The following HERC2 variants were observed in gnomAD, a reference collection of about 807,000 sequenced individuals.
HERC2 encodes E3 ubiquitin-protein ligase HERC2.
Under a neutral mutation model 537.7 loss-of-function variants are expected in HERC2, and 102 were observed. That is an observed-to-expected ratio of 0.19 (90% CI 0.16 to 0.22). The LOEUF (loss-of-function observed/expected upper bound fraction) is 0.22, where lower values mean the gene tolerates loss of function less well. Ranked by LOEUF, HERC2 falls within the 10% of genes least tolerant of loss-of-function variation. The pLI is 1.00. For missense variants in HERC2, 4,236 were observed against 6,198.2 expected, an observed-to-expected ratio of 0.68 and a Z score of 10.63; for synonymous variants, 2,224 against 2,466.2, an observed-to-expected ratio of 0.90 and a Z score of 2.91.
At chr15:28,156,389 A>G (rs185688083) in intron 69 of HERC2, among the ~76,000 whole-genome samples, 1 of 152,332 alleles carries the variant, frequency 6.6e-6, no homozygotes, top group East Asian at 1.9e-4. Flanking sequence ...ATCCATGAGC[A>G]TGGAATGTTA....
chr15:28,215,783 C>T lies in HERC2; in HGVS notation c.6048G>A (p.Val2016=), dbSNP rs1276233538. 18 of 1,610,368 alleles carry T rather than the reference C, an allele frequency of 1.1e-5. No homozygotes were observed. Among genetic ancestry groups the T allele is most frequent in the Non-Finnish European group, 1.5e-5 (18 of 1,179,172 alleles). Residue 2016 remains valine, a synonymous_variant, in exon 39 of 93, where the codon GTG becomes GTA. Transcript: ENST00000261609. ...TDKTSSPNRL[V]YREQHRSWCT... ...ACCAGCTCCGGTGTTGCTCCCTGTACACCAGCCTGTTTGGAGAAGCTGCAG... is the reference window on the plus strand; with the variant it reads ...ACCAGCTCCGGTGTTGCTCCCTGTATACCAGCCTGTTTGGAGAAGCTGCAG...
intron 16 of HERC2, 141 bp from the exon 17 acceptor site, chr15:28,257,402 T>C (rs1596335703): frequency 1.5e-6 from 1 of 652,898 alleles, no homozygotes; most frequent in Non-Finnish European, 2.7e-6. Context: ...AAGGCATTCA[T>C]GGATGTCTAG....
intron 4 of HERC2, among the ~76,000 whole-genome samples, chr15:28,290,452 A>G (rs569225072): frequency 4.0e-4 from 61 of 151,814 alleles, no homozygotes; most frequent in African/African-American, 1.4e-3. Context: ...CTGGTCTCAA[A>G]CTCCTGACCT....
chr15:28,115,945 G>A (rs1319585233), intron 88 of HERC2, among the ~76,000 whole-genome samples: 1 of 152,166 alleles, frequency 6.6e-6, no homozygotes, highest in Non-Finnish European at 1.5e-5. Context: ...AGGAGGGACT[G>A]GCCAATGGCG....
In HERC2 at chr15:28,199,977, C is replaced by CA. The variant is rs551505149; in HGVS notation, c.7717-1209dup. Among the ~76,000 whole-genome samples, 32 of 152,158 alleles carry CA rather than the reference C, an allele frequency of 2.1e-4. 1 individual carries two copies. The East Asian group carries it at 4.7e-3, about 22-fold the overall frequency. ...TCATGAATGTTTGTGTCCCCCCCAC[C>CA]AAAATTCATGAAGTCCCAACTCCTA... On this transcript the variant is annotated intron_variant, in intron 48 of 92. Coordinates refer to ENST00000261609, the MANE Select transcript of HERC2 (RefSeq NM_004667.6).
In HERC2 at chr15:28,274,315, C is replaced by G; in HGVS notation, c.776G>C (p.Arg259Thr). 6.2e-7 allele frequency: 1 copy of G among 1,614,202 alleles called. No homozygotes were observed. Among genetic ancestry groups the G allele is most frequent in the Non-Finnish European group, 8.5e-7 (1 of 1,180,020 alleles). The change falls in exon 7 of 93, where the codon AGG (arginine) becomes ACG (threonine). Residue 259 changes from arginine to threonine, a missense_variant. By Grantham distance (71) the Arg-to-Thr change is moderately conservative. Transcript: ENST00000261609. ...CCCCGTCACGACGGACCTGAGGAAC[C>G]TGGTCGCTCTCTCCACCACCTCCAG... ...VWLEVVERAT[R>T]FLRSVVTGDV...
intron 44 of HERC2, among the ~76,000 whole-genome samples, chr15:28,208,787 G>A (rs539917597): frequency 1.1e-4 from 17 of 152,230 alleles, no homozygotes; most frequent in South Asian, 6.2e-4. Flanking sequence ...AAGGCTGCCC[G>A]TCCAGTGCTC....
intron 72 of HERC2, 96 bp from the exon 73 acceptor site, chr15:28,144,331 A>G: frequency 7.5e-7 from 1 of 1,330,380 alleles, no homozygotes; most frequent in Non-Finnish European, 1.0e-6. Flanking sequence ...ACCCAGCCCC[A>G]CCCACCAGAA....
At chr15:28,136,550 A>G (rs1405545559) in intron 78 of HERC2, among the ~76,000 whole-genome samples, 1 of 152,266 alleles carries the variant, frequency 6.6e-6, no homozygotes, top group East Asian at 1.9e-4. Context: ...CACCACAGAA[A>G]GCTGCCCTTC....
intron 78 of HERC2, among the ~76,000 whole-genome samples, chr15:28,137,957 C>T (rs1315152132): frequency 6.6e-6 from 1 of 152,188 alleles, no homozygotes; most frequent in African/African-American, 2.4e-5. Context: ...GATGAGAATG[C>T]AAAACAGTCT....
At chr15:28,279,896 CA>C (rs1281615956) in intron 5 of HERC2, 171 bp downstream of exon 5, 3 of 606,230 alleles carry the variant, frequency 4.9e-6, no homozygotes, top group Non-Finnish European at 8.8e-6. Context: ...ACTACATGAG[CA>C]AATTGGCAAA....
intron 68 of HERC2, 51 bp downstream of exon 68, chr15:28,167,636 T>C (rs757396258): frequency 1.6e-5 from 25 of 1,601,384 alleles, no homozygotes; most frequent in Middle Eastern, 1.7e-4. Context: ...TACTTCTGTG[T>C]ACATTTAAGA....
chr15:28,296,563 C>G (rs2141173968), intron 3 of HERC2, among the ~76,000 whole-genome samples: 1 of 151,948 alleles, frequency 6.6e-6, no homozygotes, highest in African/African-American at 2.4e-5. Flanking sequence ...TTTCTTAGAG[C>G]ACCTTTTAGA....
Position 28,141,533 on chromosome 15 carries a change from T to C in HERC2, c.11914A>G (p.Lys3972Glu), listed in dbSNP as rs1254512466. The C allele has an allele frequency of 6.2e-6, 10 of 1,614,046 alleles. No homozygotes were observed. The highest frequency in any genetic ancestry group is 2.2e-5 in the East Asian group (1 of 44,882). ...TCACAGGGAGTGGGAACTTTGACTT[T>C]TGCGCCTTCAATGCCCCCGAGCTGG... is the stretch of plus-strand genomic sequence containing the variant. ...RGQLGGIEGAKVKVPTPCEAL... is the reference protein window; with the variant it reads ...RGQLGGIEGAEVKVPTPCEAL... Residue 3972 changes from lysine (K) to glutamate (E), a missense_variant, in exon 78 of 93, where the codon AAA (lysine) becomes GAA (glutamate). By Grantham distance (56) the Lys-to-Glu change is moderately conservative (BLOSUM62 1). Coordinates refer to ENST00000261609, the MANE Select transcript of HERC2 (RefSeq NM_004667.6).
At chr15:28,161,111 ACT>A in intron 69 of HERC2, among the ~76,000 whole-genome samples, 3 of 152,038 alleles carry the variant, frequency 2.0e-5, no homozygotes, top group Admixed American at 2.0e-4. Context: ...TATCTACCAA[ACT>A]CTGCTGCGCT....
rs1282104982 is a variant in HERC2 at position 28,182,469 on chromosome 15, T to C, written c.8869A>G (p.Ile2957Val). The C allele has an allele frequency of 6.2e-7, 1 of 1,613,794 alleles. No homozygotes were observed. Among genetic ancestry groups the C allele is most frequent in the Non-Finnish European group, 8.5e-7 (1 of 1,179,982 alleles). ...KAAGLESAAT[I>V]RTKVFVWGLN... ...CCCCACACAAACACCTTGGTTCTTATCGTAGCTGCTGATTCCAGCCCAGCA... is the reference window on the plus strand; with the variant it reads ...CCCCACACAAACACCTTGGTTCTTACCGTAGCTGCTGATTCCAGCCCAGCA... The change falls in exon 57 of 93, where the codon ATA becomes GTA. Residue 2957 changes from isoleucine to valine, a missense_variant. This residue lies in a region of HERC2 where 606 missense variants were observed against 884.5 expected (regional missense o/e 0.69). Transcript: ENST00000261609.
At position 28,192,160 on chromosome 15, in the gene HERC2, T is replaced by A; in HGVS notation, c.8261-9A>T. 2 of 1,606,046 alleles carry A rather than the reference T, an allele frequency of 1.2e-6. No homozygotes were observed. The highest frequency in any genetic ancestry group is 1.7e-6 in the Non-Finnish European group (2 of 1,174,276). On this transcript the variant is annotated splice_polypyrimidine_tract_variant and intron_variant, in intron 52 of 92. Transcript: ENST00000261609. Reference sequence around the variant, plus strand: ...AAATACCGCAGACTGACCTATTTCGTGATAGTCAAAAAGAGAATTAACCCT... The same window carrying A: ...AAATACCGCAGACTGACCTATTTCGAGATAGTCAAAAAGAGAATTAACCCT...
chr15:28,164,035 G>C (rs1893883993), intron 68 of HERC2, among the ~76,000 whole-genome samples: 1 of 152,196 alleles, frequency 6.6e-6, no homozygotes, highest in Non-Finnish European at 1.5e-5. Flanking sequence ...GGCTGAGCTT[G>C]TGGAAACGGG....
intron 38 of HERC2, among the ~76,000 whole-genome samples, chr15:28,217,497 CCACATACCCACCCA>C (rs1313465026): frequency 6.6e-6 from 1 of 152,108 alleles, no homozygotes; most frequent in African/African-American, 2.4e-5. Context: ...TGGAGGACGC[CCACATACCCACCCA>C]CACTCACATG....
Sources: gnomAD v4.1 joint callset for allele counts (sites outside exome capture counted in the v4.1 genomes callset) on GRCh38, gnomAD v4.1.1 for gene constraint, gnomAD v4.1.1 regional missense constraint, MANE v1.5 for transcripts, NCBI Gene and HGNC (gene_info 2026-07-23, HGNC 2026-07-21) for gene names.